The following GRK3 variants were observed in gnomAD, a reference collection of about 807,000 sequenced individuals.
GRK3 encodes G protein-coupled receptor kinase 3, also known as adrenergic, beta, receptor kinase 2.
GRK3 carries 54 observed loss-of-function variants against 95.7 expected under a neutral mutation model. The ratio of observed to expected loss-of-function variants is 0.56; its 90% CI spans 0.45 to 0.71. The LOEUF (loss-of-function observed/expected upper bound fraction) is 0.71, where lower values mean the gene tolerates loss of function less well. GRK3 is among the 30% of genes least tolerant of loss of function. The pLI is 0.00. For synonymous variants in GRK3, 281 were observed against 290.8 expected (o/e 0.97, Z 0.34); for missense variants, 649 against 851.2 (o/e 0.76, Z 2.96).
intron 6 of GRK3, among the ~76,000 whole-genome samples, 163 bp from the exon 7 acceptor site, chr22:25,672,133 C>A (rs971687622): frequency 1.3e-5 from 2 of 152,082 alleles, no homozygotes; most frequent in Admixed American, 6.5e-5. Context: ...TGAAATAAAG[C>A]CATGAATACG....
intron 1 of GRK3, among the ~76,000 whole-genome samples, chr22:25,581,542 G>A (rs1338318528): frequency 1.3e-5 from 2 of 152,138 alleles, no homozygotes. Context: ...AAAGATGCGG[G>A]TAGAGTTTTA....
intron 1 of GRK3, among the ~76,000 whole-genome samples, chr22:25,600,919 A>T (rs2084405246): frequency 6.6e-6 from 1 of 152,266 alleles, no homozygotes; most frequent in Non-Finnish European, 1.5e-5. Context: ...ACAGGCATTA[A>T]AAAGGTGTAT....
intron 13 of GRK3, among the ~76,000 whole-genome samples, chr22:25,699,306 G>A (rs894170541): frequency 2.0e-5 from 3 of 152,194 alleles, no homozygotes; most frequent in African/African-American, 7.2e-5. Flanking sequence ...AATCAACTGA[G>A]TGGAGGAGGA....
intron 15 of GRK3, among the ~76,000 whole-genome samples, 168 bp from the exon 16 acceptor site, chr22:25,709,730 A>G (rs939964596): frequency 2.0e-4 from 30 of 152,152 alleles, no homozygotes; most frequent in African/African-American, 6.5e-4. Context: ...TATTCTAAAC[A>G]TCGTAGCATT....
chr22:25,616,352 C>T (rs909097836), intron 2 of GRK3, among the ~76,000 whole-genome samples: 2 of 151,862 alleles, frequency 1.3e-5, no homozygotes. Flanking sequence ...GGGATGCAAG[C>T]ACCTTCTTCA....
chr22:25,710,670 C>G (rs145355187), intron 16 of GRK3, among the ~76,000 whole-genome samples: 1 of 152,164 alleles, frequency 6.6e-6, no homozygotes, highest in African/African-American at 2.4e-5. Flanking sequence ...TACCTTGGAG[C>G]GTTTGCAGAT....
chr22:25,624,379 C>T (rs1173887030), intron 2 of GRK3, among the ~76,000 whole-genome samples: 7 of 151,954 alleles, frequency 4.6e-5, no homozygotes, highest in South Asian at 4.1e-4. Context: ...CTGGCTAACA[C>T]GGTGAAACCC....
chr22:25,658,339 TGAA>T (rs757550280), intron 3 of GRK3, among the ~76,000 whole-genome samples: 16 of 152,224 alleles, frequency 1.1e-4, no homozygotes, highest in Non-Finnish European at 1.9e-4. Flanking sequence ...ATCTGTTCGT[TGAA>T]GAATACAGTT....
chr22:25,697,987 G>T (rs996331667), intron 13 of GRK3, among the ~76,000 whole-genome samples: 5 of 152,068 alleles, frequency 3.3e-5, no homozygotes, highest in Non-Finnish European at 7.4e-5. Context: ...TAAATTAAAT[G>T]TGATAAGCAT....
At chr22:25,571,447 A>G (rs1931696789) in intron 1 of GRK3, among the ~76,000 whole-genome samples, 1 of 152,222 alleles carries the variant, frequency 6.6e-6, no homozygotes, top group South Asian at 2.1e-4. Context: ...AAATAATAGG[A>G]AACATTAAAA....
chr22:25,582,715 G>A (rs139323368), intron 1 of GRK3, among the ~76,000 whole-genome samples: 280 of 152,252 alleles, frequency 1.8e-3, no homozygotes, highest in Non-Finnish European at 3.0e-3. Flanking sequence ...GTGGCATTTC[G>A]AGTGGAGGAG....
At chr22:25,715,889 C>G (rs2085380012) in intron 18 of GRK3, among the ~76,000 whole-genome samples, 1 of 152,176 alleles carries the variant, frequency 6.6e-6, no homozygotes, top group Admixed American at 6.5e-5. Context: ...GGATGACTTA[C>G]TCTTTATATA....
intron 18 of GRK3, among the ~76,000 whole-genome samples, chr22:25,717,223 TCTA>T (rs2085393676): frequency 6.6e-6 from 1 of 152,316 alleles, no homozygotes; most frequent in South Asian, 2.1e-4. Flanking sequence ...GACTTGAACA[TCTA>T]CTGATTTCGG....
chr22:25,620,253 C>T (rs2084574170), intron 2 of GRK3, among the ~76,000 whole-genome samples: 1 of 152,012 alleles, frequency 6.6e-6, no homozygotes, highest in South Asian at 2.1e-4. Flanking sequence ...TTGGTTTGAC[C>T]AGGCCTGTCT....
At chr22:25,616,285 A>C (rs563229125) in intron 2 of GRK3, among the ~76,000 whole-genome samples, 9 of 151,236 alleles carry the variant, frequency 6.0e-5, no homozygotes, top group African/African-American at 9.9e-5. Flanking sequence ...CCACAGGCCT[A>C]AGAGGAAGCA....
At chr22:25,672,228 C>T (rs1569187979) in intron 6 of GRK3, 68 bp from the exon 7 acceptor site, 6 of 790,642 alleles carry the variant, frequency 7.6e-6, no homozygotes, top group South Asian at 1.6e-5. Context: ...GTCTGTCTTA[C>T]GGTGTTGTTT....
rs897592007 is a variant in GRK3, at chr22:25,621,624, G to C, written c.190+17171G>C. On this transcript the variant is annotated intron_variant, in intron 2 of 20. Transcript: ENST00000324198. The stretch of plus-strand genomic sequence containing the variant: ...ATGAATAAACTTTAGTCTTATACTT[G>C]GCCTGATTATTTGCATAAAGGGCAG... Among the ~76,000 whole-genome samples the C allele has an allele frequency of 8.6e-5, 13 of 151,996 alleles. 1 individual carries two copies. Among genetic ancestry groups the C allele is most frequent in the African/African-American group, 2.9e-4 (12 of 41,370 alleles).
At chr22:25,619,091 A>G (rs912978601) in intron 2 of GRK3, among the ~76,000 whole-genome samples, 11 of 152,182 alleles carry the variant, frequency 7.2e-5, no homozygotes, top group African/African-American at 2.7e-4. Context: ...AATTTGATAA[A>G]TACTTGAAAC....
At chr22:25,649,182 G>C (rs1412187185) in intron 3 of GRK3, 1 of 1,357,240 alleles carries the variant, frequency 7.4e-7, no homozygotes, top group African/African-American at 1.4e-5. Context: ...GTCCTTCTTG[G>C]GAGACTACTT....
Sources: allele counts gnomAD v4.1 joint callset (sites outside exome capture counted in the v4.1 genomes callset), GRCh38; gene constraint gnomAD v4.1.1; transcripts MANE v1.5; gene names NCBI Gene and HGNC (gene_info 2026-07-23, HGNC 2026-07-21).